The following SHISA9 variants were observed in gnomAD, a reference collection of about 807,000 sequenced individuals.
SHISA9 encodes the protein shisa family member 9.
SHISA9 carries 13 observed loss-of-function variants against 38.0 expected under a neutral mutation model. The observed-to-expected ratio is 0.34, with a 90% confidence interval of 0.22 to 0.54. The LOEUF is 0.54. Among genes scored for constraint, SHISA9 ranks in the 20% least tolerant of loss-of-function variants. The pLI is 0.91. For synonymous variants in SHISA9, 275 were observed against 242.0 expected (o/e 1.14, Z -1.27); for missense variants, 538 against 575.8 (o/e 0.93, Z 0.67).
At chr16:13,306,554 G>A in the SHISA9 span, among the ~76,000 whole-genome samples, 2 of 152,180 alleles carry the variant, frequency 1.3e-5, no homozygotes, top group African/African-American at 4.8e-5. Flanking sequence ...TCTCTCTGAA[G>A]TTGCCATCAA....
chr16:13,175,594 C>G (rs2050725037), intron 2 of SHISA9, among the ~76,000 whole-genome samples: 1 of 152,112 alleles, frequency 6.6e-6, no homozygotes, highest in Admixed American at 6.6e-5. Context: ...GTTACTGTGA[C>G]TTGTAAGAGA....
intron 2 of SHISA9, among the ~76,000 whole-genome samples, chr16:13,111,474 T>G (rs2073977648): frequency 2.0e-5 from 3 of 152,200 alleles, no homozygotes. Context: ...AAGTCCTCTG[T>G]GCCTTGGTTT....
the SHISA9 span, among the ~76,000 whole-genome samples, chr16:13,450,300 T>C: frequency 5.9e-5 from 9 of 152,318 alleles, no homozygotes; most frequent in East Asian, 1.9e-4. Flanking sequence ...GAATTACATA[T>C]ATAAAGTACT....
chr16:12,965,333 A>G (rs1035085996), intron 2 of SHISA9, among the ~76,000 whole-genome samples: 7 of 152,192 alleles, frequency 4.6e-5, no homozygotes, highest in Non-Finnish European at 1.0e-4. Flanking sequence ...TTCCACTATC[A>G]CCACTGCCTA....
intron 4 of SHISA9, among the ~76,000 whole-genome samples, chr16:13,225,707 A>G (rs2051272255): frequency 6.6e-6 from 1 of 152,148 alleles, no homozygotes; most frequent in Admixed American, 6.5e-5. Flanking sequence ...TGAGACCCTC[A>G]GATGTGCAGC....
chr16:12,948,390 A>G (rs1418676715), intron 2 of SHISA9, among the ~76,000 whole-genome samples: 1 of 152,186 alleles, frequency 6.6e-6, no homozygotes, highest in Admixed American at 6.5e-5. Context: ...AGAAAGTAGA[A>G]GAAAAACCAA....
At chr16:13,138,690 A>G (rs2050371480) in intron 2 of SHISA9, among the ~76,000 whole-genome samples, 1 of 152,250 alleles carries the variant, frequency 6.6e-6, no homozygotes, top group African/African-American at 2.4e-5. Flanking sequence ...TGAGCCGTTT[A>G]GGAGGACTAG....
chr16:13,058,638 A>G (rs1169488660), intron 2 of SHISA9, among the ~76,000 whole-genome samples: 1 of 152,172 alleles, frequency 6.6e-6, no homozygotes, highest in Non-Finnish European at 1.5e-5. Flanking sequence ...TCCAAGCCCA[A>G]TGTAAGGGAA....
chr16:13,187,340 T>TG (rs1159287981), intron 2 of SHISA9, among the ~76,000 whole-genome samples: 1 of 144,456 alleles, frequency 6.9e-6, no homozygotes, highest in East Asian at 2.1e-4. Flanking sequence ...TTTTTTTTTT[T>TG]TTTTTTTTTT....
intron 2 of SHISA9, among the ~76,000 whole-genome samples, chr16:13,042,207 C>A (rs555833721): frequency 6.6e-6 from 1 of 152,154 alleles, no homozygotes; most frequent in African/African-American, 2.4e-5. Flanking sequence ...TTGCACTGGT[C>A]GCTACCTTTA....
the SHISA9 span, among the ~76,000 whole-genome samples, chr16:13,381,503 T>C: frequency 6.6e-6 from 1 of 152,210 alleles, no homozygotes; most frequent in East Asian, 1.9e-4. Flanking sequence ...AATAGTGCAC[T>C]TAAATGTACT....
At chr16:13,322,397 C>T in the SHISA9 span, among the ~76,000 whole-genome samples, 2 of 152,230 alleles carry the variant, frequency 1.3e-5, no homozygotes, top group Non-Finnish European at 2.9e-5. Flanking sequence ...CTCTTCTCAT[C>T]CTTTCCTCTC....
intron 2 of SHISA9, among the ~76,000 whole-genome samples, chr16:13,102,014 C>T (rs2073883511): frequency 6.6e-6 from 1 of 152,208 alleles, no homozygotes; most frequent in South Asian, 2.1e-4. Flanking sequence ...ATGGCTGCCT[C>T]TTGCAGGTGC....
chr16:13,239,786 C>T lies in SHISA9; in HGVS notation c.*4377C>T, dbSNP rs1024345833. On this transcript the variant is annotated 3_prime_UTR_variant, in exon 5 of 5. Coordinates refer to ENST00000558583, the MANE Select transcript of SHISA9 (RefSeq NM_001145204.3). ...AAATTTTCTCCCATTTTGTAGGTTG[C>T]CTGTTCACTCTGATGGTAGTTTCTT... is the stretch of plus-strand genomic sequence containing the variant. The T allele has an allele frequency of 2.6e-5, 4 of 151,998 alleles. No homozygotes were observed. Among genetic ancestry groups the T allele is most frequent in the Non-Finnish European group, 5.9e-5 (4 of 67,986 alleles). 9.4% of individuals were successfully genotyped at this position (151,998 alleles called of 1,614,324 possible).
chr16:13,501,855 A>G, the SHISA9 span, among the ~76,000 whole-genome samples: 2 of 152,178 alleles, frequency 1.3e-5, no homozygotes, highest in Non-Finnish European at 2.9e-5. Flanking sequence ...TACAAAAATT[A>G]GCTGGGCATG....
the SHISA9 span, among the ~76,000 whole-genome samples, chr16:13,495,729 G>C: frequency 6.6e-6 from 1 of 151,656 alleles, no homozygotes; most frequent in African/African-American, 2.4e-5. Flanking sequence ...GAAAAAGAAG[G>C]GCAAAAAAGA....
chr16:13,327,743 G>A, the SHISA9 span, among the ~76,000 whole-genome samples: 30 of 151,942 alleles, frequency 2.0e-4, no homozygotes, highest in African/African-American at 6.5e-4. Context: ...TGAAACCTCC[G>A]CCTCCCGAGT....
chr16:13,256,522 C>T, the SHISA9 span, among the ~76,000 whole-genome samples: 1,020 of 152,294 alleles, frequency 6.7e-3, 11 homozygotes, highest in African/African-American at 0.023. Context: ...TCAGGTGATC[C>T]GCCCACCTCG....
chr16:13,023,180 C>G (rs2072878150), intron 2 of SHISA9, among the ~76,000 whole-genome samples: 1 of 152,220 alleles, frequency 6.6e-6, no homozygotes, highest in South Asian at 2.1e-4. Flanking sequence ...GTCCCTGACC[C>G]TGCAACAGGC....
Sources: allele counts gnomAD v4.1 joint callset (sites outside exome capture counted in the v4.1 genomes callset), GRCh38; gene constraint gnomAD v4.1.1; transcripts MANE v1.5; gene names NCBI Gene and HGNC (gene_info 2026-07-23, HGNC 2026-07-21).